The following NWD2 variants were observed in gnomAD, a reference collection of about 807,000 sequenced individuals.
NWD2 encodes NACHT and WD repeat domain-containing protein 2.
Under a neutral mutation model 132.7 loss-of-function variants are expected in NWD2, and 37 were observed. The ratio of observed to expected loss-of-function variants is 0.28; its 90% CI spans 0.21 to 0.37. The LOEUF is 0.37. NWD2 is among the 10% of genes least tolerant of loss of function. NWD2 has a pLI of 1.00. For missense variants in NWD2, 1,592 were observed against 2,122.4 expected (o/e 0.75, Z 4.91); for synonymous variants, 705 against 803.0 (o/e 0.88, Z 2.06).
At chr4:37,352,887 C>G (rs1232785903) in intron 2 of NWD2, among the ~76,000 whole-genome samples, 8 of 152,128 alleles carry the variant, frequency 5.3e-5, no homozygotes, top group African/African-American at 1.7e-4. Flanking sequence ...TGAATTTCAT[C>G]CTATCATTAT....
At chr4:37,418,065 A>G (rs911982844) in intron 3 of NWD2, among the ~76,000 whole-genome samples, 6 of 152,120 alleles carry the variant, frequency 3.9e-5, no homozygotes, top group Non-Finnish European at 7.4e-5. Context: ...AATATTCTCT[A>G]ATAAAAGGAA....
chr4:37,330,454 G>A (rs1719269187), intron 2 of NWD2, among the ~76,000 whole-genome samples: 1 of 152,140 alleles, frequency 6.6e-6, no homozygotes, highest in Non-Finnish European at 1.5e-5. Context: ...AAGACAGACT[G>A]GGGAGAAAGC....
At position 37,379,012 on chromosome 4, in the gene NWD2, T is replaced by G. The variant is rs115797796; in HGVS notation, c.357+22530T>G. On this transcript the variant is annotated intron_variant, in intron 3 of 6. Transcript: ENST00000309447. ...ACATTTTGTAACTCAACTTTCAAGC[T>G]AATTGTGGAAAGGAAATCTGAAACT... is the stretch of plus-strand genomic sequence containing the variant. 5.8e-3 allele frequency among the ~76,000 whole-genome samples: 881 copies of G among 152,328 alleles called. 5 individuals carry two copies. Among genetic ancestry groups the G allele is most frequent in the Non-Finnish European group, 9.7e-3 (663 of 68,030 alleles).
intron 1 of NWD2, among the ~76,000 whole-genome samples, chr4:37,318,591 C>G (rs1381501518): frequency 6.6e-6 from 1 of 152,076 alleles, no homozygotes; most frequent in African/African-American, 2.4e-5. Flanking sequence ...TACTACCCTC[C>G]CTACCTCCCC....
chr4:37,287,515 C>G (rs1439261570), intron 1 of NWD2, among the ~76,000 whole-genome samples: 1 of 152,222 alleles, frequency 6.6e-6, no homozygotes, highest in Non-Finnish European at 1.5e-5. Flanking sequence ...CCCAACACAG[C>G]TGTGGCATAC....
At chr4:37,382,796 T>C (rs1440499362) in intron 3 of NWD2, among the ~76,000 whole-genome samples, 1 of 152,040 alleles carries the variant, frequency 6.6e-6, no homozygotes, top group African/African-American at 2.4e-5. Flanking sequence ...GTTCAAGCAA[T>C]TCTTGTGCCT....
At chr4:37,360,607 A>C (rs1479816405) in intron 3 of NWD2, among the ~76,000 whole-genome samples, 1 of 152,202 alleles carries the variant, frequency 6.6e-6, no homozygotes, top group Non-Finnish European at 1.5e-5. Context: ...AATCATCTTC[A>C]TCACCTTTTA....
intron 3 of NWD2, among the ~76,000 whole-genome samples, chr4:37,420,372 G>A (rs1219032978): frequency 6.6e-6 from 1 of 152,112 alleles, no homozygotes; most frequent in African/African-American, 2.4e-5. Context: ...ATCCATGCAG[G>A]TATCTGACTG....
intron 3 of NWD2, among the ~76,000 whole-genome samples, chr4:37,392,705 G>A (rs1720701946): frequency 1.3e-5 from 2 of 152,224 alleles, no homozygotes; most frequent in Non-Finnish European, 2.9e-5. Flanking sequence ...CATTTTGCTA[G>A]CTTGAGCTTG....
intron 2 of NWD2, among the ~76,000 whole-genome samples, chr4:37,342,559 T>C (rs1719549213): frequency 6.6e-6 from 1 of 152,204 alleles, no homozygotes; most frequent in African/African-American, 2.4e-5. Context: ...AGTTCCTTTA[T>C]GCAGTGAATT....
intron 1 of NWD2, among the ~76,000 whole-genome samples, chr4:37,274,238 A>G (rs1673982403): frequency 6.6e-6 from 1 of 152,194 alleles, no homozygotes; most frequent in South Asian, 2.1e-4. Context: ...ATAAAAAATG[A>G]TAAAGGAGAT....
intron 1 of NWD2, 102 bp downstream of exon 1, chr4:37,245,320 C>G (rs1560375623): frequency 1.5e-6 from 2 of 1,322,738 alleles, no homozygotes; most frequent in Non-Finnish European, 2.0e-6. Flanking sequence ...GCCCTGCGCT[C>G]CCTTCCTCCA....
chr4:37,259,858 G>A (rs1046949726), intron 1 of NWD2, among the ~76,000 whole-genome samples: 3 of 152,202 alleles, frequency 2.0e-5, no homozygotes, highest in African/African-American at 7.2e-5. Flanking sequence ...TCCAGGGAAG[G>A]AGCCACTGAG....
chr4:37,362,847 A>G (rs1720007510), intron 3 of NWD2, among the ~76,000 whole-genome samples: 1 of 152,238 alleles, frequency 6.6e-6, no homozygotes, highest in African/African-American at 2.4e-5. Flanking sequence ...TGCGAAGCAA[A>G]AGAAACTATC....
chr4:37,437,116 A>G lies in NWD2; in HGVS notation c.707-1685A>G, dbSNP rs575707456. On this transcript the variant is annotated intron_variant, in intron 5 of 6. Coordinates refer to ENST00000309447, the MANE Select transcript of NWD2 (RefSeq NM_001144990.2). ...CTTCTTAATAGTTACATTACAGAATATATGTATATATATTCTAGATTTTGC... is the reference window on the plus strand; with the variant it reads ...CTTCTTAATAGTTACATTACAGAATGTATGTATATATATTCTAGATTTTGC... Among the ~76,000 whole-genome samples, 3 of 152,298 alleles carry G rather than the reference A, an allele frequency of 2.0e-5. No homozygotes were observed. In the East Asian group the frequency reaches 5.8e-4, roughly 29 times the overall value.
chr4:37,247,574 C>G (rs781685732), intron 1 of NWD2, among the ~76,000 whole-genome samples: 1 of 151,840 alleles, frequency 6.6e-6, no homozygotes, highest in African/African-American at 2.4e-5. Flanking sequence ...CCATCGGTAA[C>G]GAAGATAATA....
At chr4:37,259,490 G>T in intron 1 of NWD2, among the ~76,000 whole-genome samples, 1 of 152,122 alleles carries the variant, frequency 6.6e-6, no homozygotes, top group Non-Finnish European at 1.5e-5. Flanking sequence ...TGTCTTCCTC[G>T]TGACCTGAGT....
At position 37,444,842 on chromosome 4, in the gene NWD2, A is replaced by G. The variant is rs1300989220; in HGVS notation, c.2854A>G (p.Met952Val). 9 of 1,552,104 alleles carry G rather than the reference A, an allele frequency of 5.8e-6. No individual in the cohort carries two copies. The highest frequency in any genetic ancestry group is 4.9e-5 in the East Asian group (2 of 40,930). ...YCSIVPLHSS[M>V]DVTYSPERLP... ...CTCCATTGTACCACTGCATTCATCCATGGATGTGACATACAGCCCAGAGCG... is the reference window on the plus strand; with the variant it reads ...CTCCATTGTACCACTGCATTCATCCGTGGATGTGACATACAGCCCAGAGCG... Residue 952 changes from methionine (M) to valine (V), a missense_variant, in exon 7 of 7, where the codon ATG becomes GTG. Physicochemically the swap from Met to Val is conservative, Grantham distance 21. Around this residue, in one of 7 missense-constraint regions of NWD2, gnomAD observed 1,071 missense variants for 1,398.0 expected, o/e 0.77. Transcript: ENST00000309447. The surrounding 1 kb of genome is among the most constrained non-coding windows in gnomAD (Gnocchi z 4.8).
chr4:37,267,992 TC>T (rs1473418181), intron 1 of NWD2, among the ~76,000 whole-genome samples: 1 of 151,914 alleles, frequency 6.6e-6, no homozygotes, highest in East Asian at 1.9e-4. Flanking sequence ...TCTTCCCTGC[TC>T]CTGTGGCTTG....
Sources: gnomAD v4.1 joint callset for allele counts (sites outside exome capture counted in the v4.1 genomes callset) on GRCh38, gnomAD v4.1.1 for gene constraint, gnomAD v4.1.1 regional missense constraint, Gnocchi (gnomAD v3.1) non-coding constraint, MANE v1.5 for transcripts, NCBI Gene and HGNC (gene_info 2026-07-23, HGNC 2026-07-21) for gene names.